Variants in GALNT13 observed in about 807,000 individuals in gnomAD.
The protein encoded by GALNT13 is UDP-GalNAc:polypeptide N-acetylgalactosaminyltransferase 13.
In GALNT13, 28 loss-of-function variants were observed where a neutral mutation model predicts 64.2. That is an observed-to-expected ratio of 0.44 (90% CI 0.32 to 0.60). The LOEUF is 0.60. Among genes scored for constraint, GALNT13 ranks in the 20% least tolerant of loss-of-function variants. The probability of loss-of-function intolerance (pLI) is 0.05; values close to 1 mark genes in which losing one functional copy is unlikely to be tolerated. For synonymous variants in GALNT13, 214 were observed against 224.6 expected, an observed-to-expected ratio of 0.95 and a Z score of 0.42; for missense variants, 577 against 669.8, an observed-to-expected ratio of 0.86 and a Z score of 1.53.
intron 9 of GALNT13, among the ~76,000 whole-genome samples, chr2:154,382,183 G>T (rs990285524): frequency 1.3e-5 from 2 of 152,066 alleles, no homozygotes; most frequent in Non-Finnish European, 2.9e-5. Flanking sequence ...CAGAGGGTTT[G>T]TTAAATTAAA....
chr2:154,422,647 G>T (rs1700303982), intron 11 of GALNT13, among the ~76,000 whole-genome samples: 2 of 152,140 alleles, frequency 1.3e-5, no homozygotes, highest in South Asian at 4.1e-4. Flanking sequence ...TAAAATATGT[G>T]TTTATGACTG....
chr2:153,277,495 G>T, the GALNT13 span, among the ~76,000 whole-genome samples: 1 of 152,210 alleles, frequency 6.6e-6, no homozygotes, highest in South Asian at 2.1e-4. Context: ...TTGCTATTTT[G>T]AATAGTACTG....
At chr2:154,298,515 A>G (rs1693091476) in intron 8 of GALNT13, among the ~76,000 whole-genome samples, 1 of 91,336 alleles carries the variant, frequency 1.1e-5, no homozygotes, top group African/African-American at 3.7e-5. Flanking sequence ...TATAAATTAT[A>G]TATTATATAT....
the GALNT13 span, among the ~76,000 whole-genome samples, chr2:153,704,648 G>T: frequency 6.6e-6 from 1 of 152,112 alleles, no homozygotes; most frequent in Admixed American, 6.6e-5. Context: ...TGGAATGAAT[G>T]ATATTTTCAT....
intron 3 of GALNT13, among the ~76,000 whole-genome samples, chr2:154,138,333 T>C (rs1683064363): frequency 6.6e-6 from 1 of 152,210 alleles, no homozygotes; most frequent in South Asian, 2.1e-4. Flanking sequence ...TTAATTCTTA[T>C]ATCACCACAG....
the GALNT13 span, among the ~76,000 whole-genome samples, chr2:153,597,124 G>T: frequency 2.8e-3 from 425 of 152,028 alleles, 4 homozygotes; most frequent in African/African-American, 9.7e-3. Flanking sequence ...TTCTACTCTG[G>T]CCTCCTTTGC....
chr2:153,709,180 G>A, the GALNT13 span, among the ~76,000 whole-genome samples: 4 of 151,844 alleles, frequency 2.6e-5, no homozygotes, highest in Admixed American at 2.0e-4. Flanking sequence ...AAACAGCAAG[G>A]TCAAGAAACA....
intron 12 of GALNT13, among the ~76,000 whole-genome samples, chr2:154,449,578 T>C (rs1463240530): frequency 1.3e-5 from 2 of 151,708 alleles, no homozygotes; most frequent in African/African-American, 4.8e-5. Flanking sequence ...GGTTTTCATA[T>C]AATATGATCC....
chr2:153,769,379 C>G, the GALNT13 span, among the ~76,000 whole-genome samples: 1 of 151,940 alleles, frequency 6.6e-6, no homozygotes, highest in Non-Finnish European at 1.5e-5. Context: ...GCTAGCTTCC[C>G]CCTCCCCCAC....
intron 3 of GALNT13, among the ~76,000 whole-genome samples, chr2:154,015,071 T>C (rs1474277247): frequency 6.6e-6 from 1 of 152,198 alleles, no homozygotes; most frequent in Non-Finnish European, 1.5e-5. Flanking sequence ...ATCCATTTTC[T>C]ATAGCTAGAT....
chr2:153,139,886 A>G, the GALNT13 span, among the ~76,000 whole-genome samples: 2 of 152,066 alleles, frequency 1.3e-5, no homozygotes, highest in African/African-American at 4.8e-5. Flanking sequence ...ATGTTGCTCC[A>G]TAGTTAACTA....
At chr2:154,417,131 C>T (rs1371096397) in intron 11 of GALNT13, among the ~76,000 whole-genome samples, 1 of 151,958 alleles carries the variant, frequency 6.6e-6, no homozygotes, top group East Asian at 1.9e-4. Context: ...AAATTTGAGC[C>T]TTGATTGCCT....
the GALNT13 span, among the ~76,000 whole-genome samples, chr2:153,525,540 A>G: frequency 6.6e-6 from 1 of 152,116 alleles, no homozygotes; most frequent in Admixed American, 6.5e-5. Context: ...CTCCTGTCAT[A>G]TCAGTGGTGG....
chr2:153,567,898 G>A, the GALNT13 span, among the ~76,000 whole-genome samples: 2 of 152,302 alleles, frequency 1.3e-5, no homozygotes, highest in East Asian at 1.9e-4. Flanking sequence ...ATTTGATTCC[G>A]AAATCTGTGG....
At chr2:154,262,430 C>T (rs1369095967) in intron 8 of GALNT13, among the ~76,000 whole-genome samples, 1 of 152,168 alleles carries the variant, frequency 6.6e-6, no homozygotes, top group East Asian at 1.9e-4. Context: ...TAGGCTATAG[C>T]CTCTAATGGA....
intron 9 of GALNT13, among the ~76,000 whole-genome samples, chr2:154,341,508 T>G (rs987284634): frequency 1.3e-5 from 2 of 152,014 alleles, no homozygotes; most frequent in African/African-American, 4.8e-5. Context: ...CAAAAAAAGA[T>G]AGTATATTCC....
intron 3 of GALNT13, among the ~76,000 whole-genome samples, chr2:153,954,082 G>A (rs1692395846): frequency 6.6e-6 from 1 of 152,048 alleles, no homozygotes; most frequent in Non-Finnish European, 1.5e-5. Flanking sequence ...AACAGCAAAT[G>A]TTTGTTGATT....
intron 12 of GALNT13, among the ~76,000 whole-genome samples, chr2:154,447,692 T>C (rs529164138): frequency 1.3e-5 from 2 of 152,064 alleles, no homozygotes; most frequent in Admixed American, 6.6e-5. Flanking sequence ...AATGAAATTA[T>C]GGATGAGGGG....
chr2:153,795,008 A>T, the GALNT13 span, among the ~76,000 whole-genome samples: 1 of 152,200 alleles, frequency 6.6e-6, no homozygotes, highest in Non-Finnish European at 1.5e-5. Context: ...AACACAGGTG[A>T]CACTTAAATT....
Sources: gnomAD v4.1 joint callset for allele counts (sites outside exome capture counted in the v4.1 genomes callset) on GRCh38, gnomAD v4.1.1 for gene constraint, MANE v1.5 for transcripts, NCBI Gene and HGNC (gene_info 2026-07-23, HGNC 2026-07-21) for gene names.